LIMS2: variants seen among roughly 807,000 people sequenced by gnomAD.
The protein encoded by LIMS2 is LIM zinc finger domain containing 2, also known as LIM and senescent cell antigen-like-containing domain protein 2.
LIMS2 carries 30 observed loss-of-function variants against 45.3 expected under a neutral mutation model. That is an observed-to-expected ratio of 0.66 (90% CI 0.50 to 0.90). LIMS2 has a LOEUF of 0.90. Among genes scored for constraint, LIMS2 ranks in the 40% least tolerant of loss-of-function variants. The pLI, the probability that LIMS2 is intolerant of heterozygous loss-of-function variation, is 0.00. For synonymous variants in LIMS2, 173 were observed against 188.0 expected, an observed-to-expected ratio of 0.92 and a Z score of 0.65; for missense variants, 485 against 468.7, an observed-to-expected ratio of 1.03 and a Z score of -0.32.
upstream of LIMS2, among the ~76,000 whole-genome samples, chr2:127,676,407 CTTTTTT>C (rs10677718): frequency 4.3e-5 from 5 of 115,866 alleles, 1 homozygote; most frequent in African/African-American, 7.2e-5. Flanking sequence ...GCAGTTGTTA[CTTTTTT>C]TTTTTTTTTT....
chr2:127,649,815 C>T, intron 4 of LIMS2: 1 of 585,158 alleles, frequency 1.7e-6, no homozygotes, highest in Non-Finnish European at 3.0e-6. Context: ...CACGAGGCCT[C>T]CAGGCCTCTC....
intron 6 of LIMS2, chr2:127,641,231 C>G (rs1047877185): frequency 1.9e-5 from 9 of 475,192 alleles, no homozygotes; most frequent in African/African-American, 1.2e-4. Flanking sequence ...TCAGCAGACC[C>G]TACCCCTCCT....
upstream of LIMS2, among the ~76,000 whole-genome samples, chr2:127,678,208 C>T (rs145137616): frequency 3.2e-3 from 484 of 152,124 alleles, no homozygotes; most frequent in Middle Eastern, 0.01. The surrounding 1 kb of genome is among the most constrained non-coding windows in gnomAD (Gnocchi z 5.3). Context: ...TCCTTAGCTA[C>T]GGGGAGGCTG....
At chr2:127,668,706 A>AAAAAAC (rs1685148551) in intron 1 of LIMS2, among the ~76,000 whole-genome samples, 1 of 133,690 alleles carries the variant, frequency 7.5e-6, no homozygotes, top group African/African-American at 3.0e-5. Flanking sequence ...AAAAAAAAAA[A>AAAAAAC]AAAAACACCT....
chr2:127,668,699 A>AC (rs1312469992), intron 1 of LIMS2, among the ~76,000 whole-genome samples: 1 of 98,112 alleles, frequency 1.0e-5, no homozygotes, highest in South Asian at 4.1e-4. Flanking sequence ...AAAAAAAAAA[A>AC]AAAAAAAAAA....
At chr2:127,662,412 C>T (rs1292209569) in intron 1 of LIMS2, among the ~76,000 whole-genome samples, 2 of 152,080 alleles carry the variant, frequency 1.3e-5, no homozygotes, top group East Asian at 3.9e-4. Flanking sequence ...TCCCTCAGCA[C>T]TGCCTGGGCT....
Position 127,675,209 on chromosome 2 carries a change from C to G in LIMS2, c.-185G>C, listed in dbSNP as rs1316070548. 142 of 80,684 alleles carry G rather than the reference C, an allele frequency of 1.8e-3. No homozygotes were observed. The highest frequency in any genetic ancestry group is 7.4e-3 in the East Asian group (21 of 2,822). The allele number at this position is 80,684 out of a possible 1,614,324, so 5.0% of individuals were successfully genotyped here. Reference sequence around the variant, plus strand: ...GGGTGGCAGGGTGGGGCCCGCGGGGCGGGGTGGGATGGGGAGGTCAAGGCT... The same window carrying G: ...GGGTGGCAGGGTGGGGCCCGCGGGGGGGGGTGGGATGGGGAGGTCAAGGCT... On this transcript the variant is annotated 5_prime_UTR_variant, in exon 1 of 10. Transcript: ENST00000355119.
At position 127,643,506 on chromosome 2, in the gene LIMS2, G is replaced by A. The variant is rs113434433; in HGVS notation, c.360-434C>T. ...GGAGGCCCACTCACCCCCTTCCTTCGGGGTTTGCCAGATGAAGAAGGGCCC... is the reference window on the plus strand; with the variant it reads ...GGAGGCCCACTCACCCCCTTCCTTCAGGGTTTGCCAGATGAAGAAGGGCCC... On this transcript the variant is annotated intron_variant, in intron 4 of 9. Coordinates refer to ENST00000355119, the MANE Select transcript of LIMS2 (RefSeq NM_001161403.3). The A allele has an allele frequency of 1.5e-3, 690 of 456,990 alleles. 8 individuals are homozygous for A. The highest frequency in any genetic ancestry group is 0.011 in the African/African-American group (543 of 50,176). The allele number at this position is 456,990 out of a possible 1,614,324, so 28.3% of individuals were successfully genotyped here.
intron 1 of LIMS2, among the ~76,000 whole-genome samples, chr2:127,670,291 G>T (rs1041599446): frequency 3.3e-5 from 5 of 152,174 alleles, no homozygotes; most frequent in African/African-American, 1.2e-4. Context: ...TATTCACCCA[G>T]AAAAAGGAAT....
chr2:127,654,980 A>G lies in LIMS2; in HGVS notation c.172-84T>C, dbSNP rs145780307. 491 of 1,284,280 alleles carry G rather than the reference A, an allele frequency of 3.8e-4. 2 individuals carry two copies. In the East Asian group the frequency reaches 7.1e-3, roughly 19 times the overall value. 79.6% of individuals were successfully genotyped at this position (1,284,280 alleles called of 1,614,324 possible). On this transcript the variant is annotated intron_variant, in intron 2 of 9. Coordinates refer to ENST00000355119, the MANE Select transcript of LIMS2 (RefSeq NM_001161403.3). The stretch of plus-strand genomic sequence containing the variant: ...CAGGCCCTTGTTGGGTCAGGACCTG[A>G]CAGCAGGGGATGAGGCACTGAGGCA...
rs1168939760 is a variant in LIMS2, at chr2:127,647,284, AAC to A, written c.360-4214_360-4213del. Among the ~76,000 whole-genome samples the A allele has an allele frequency of 7.9e-5, 12 of 152,100 alleles. No individual in the cohort carries two copies. In the East Asian group the frequency reaches 2.3e-3, roughly 29 times the overall value. On this transcript the variant is annotated intron_variant, in intron 4 of 9. Transcript: ENST00000355119. The surrounding 1 kb of genome is among the most constrained non-coding windows in gnomAD (Gnocchi z 4.3). ...GAGCCTGGGAGACAACTCCATGGCA[AAC>A]TCTGAGACTGAGTCACACTCCCCAC...
rs917954511 is a variant in LIMS2 at position 127,642,485 on chromosome 2, G to C, written c.510-286C>G. ...GCCCCCCTCCTCCTCCAAACCAGAG[G>C]GGGTGTCTGGATAGGCACGGAGAGG... On this transcript the variant is annotated intron_variant, in intron 5 of 9. Transcript: ENST00000355119. The surrounding 1 kb of genome is among the most constrained non-coding windows in gnomAD (Gnocchi z 5.3). The C allele has an allele frequency of 1.2e-5, 5 of 400,540 alleles. No homozygotes were observed. Among genetic ancestry groups the C allele is most frequent in the African/African-American group, 2.0e-5 (1 of 49,164 alleles). 24.8% of individuals were successfully genotyped at this position (400,540 alleles called of 1,614,324 possible).
At chr2:127,644,509 T>G (rs1170947070) in intron 4 of LIMS2, among the ~76,000 whole-genome samples, 1 of 152,162 alleles carries the variant, frequency 6.6e-6, no homozygotes, top group Non-Finnish European at 1.5e-5. Flanking sequence ...CTGCCCCACC[T>G]GGCGCCTATG....
rs933137649 is a variant in LIMS2, at chr2:127,649,794, C to T, written c.359+4630G>A. On this transcript the variant is annotated intron_variant, in intron 4 of 9. Transcript: ENST00000355119. ...CAGGGCTCTGCACTTGGCCTTCAAACGTGGGCAAGCCACGAGGCCTCCAGG... is the reference window on the plus strand; with the variant it reads ...CAGGGCTCTGCACTTGGCCTTCAAATGTGGGCAAGCCACGAGGCCTCCAGG... 37 of 562,266 alleles carry T rather than the reference C, an allele frequency of 6.6e-5. No individual in the cohort carries two copies. In the Middle Eastern group the frequency reaches 2.8e-3, roughly 43 times the overall value. 34.8% of individuals were successfully genotyped at this position (562,266 alleles called of 1,614,324 possible). A position where few individuals can be genotyped will look rare whatever the true frequency, so the allele number is the denominator to read the frequency against.
In LIMS2 at chr2:127,640,316, G is replaced by A; in HGVS notation, c.756C>T (p.Leu252=). The change falls in exon 8 of 10, where the codon CTC becomes CTT. Residue 252 remains leucine (L), a splice_region_variant and synonymous_variant. Coordinates refer to ENST00000355119, the MANE Select transcript of LIMS2 (RefSeq NM_001161403.3). The stretch of plus-strand genomic sequence containing the variant: ...TGCAGTTGTAGCAGACGTCCCCGAA[G>A]AGCTGTGGGCCGAGCAGGCTGTCAG... ...LAYCETHYNQ[L]FGDVCYNCSH... The A allele has an allele frequency of 6.2e-7, 1 of 1,612,842 alleles. No individual in the cohort carries two copies. The highest frequency in any genetic ancestry group is 8.5e-7 in the Non-Finnish European group (1 of 1,179,930).
intron 4 of LIMS2, among the ~76,000 whole-genome samples, chr2:127,646,830 T>G (rs1156845583): frequency 6.6e-6 from 1 of 152,216 alleles, no homozygotes; most frequent in East Asian, 1.9e-4. Context: ...GACTGAAGTT[T>G]GTGTTTCTAA....
At chr2:127,669,739 C>A (rs1558902167) in intron 1 of LIMS2, among the ~76,000 whole-genome samples, 1 of 151,902 alleles carries the variant, frequency 6.6e-6, no homozygotes, top group African/African-American at 2.4e-5. Flanking sequence ...ATTTGCAAAT[C>A]ATATGTCTGA....
chr2:127,663,257 G>A (rs1340867564), intron 1 of LIMS2, among the ~76,000 whole-genome samples: 1 of 152,122 alleles, frequency 6.6e-6, no homozygotes, highest in East Asian at 1.9e-4. Context: ...GCCTGCTCCA[G>A]CTCTGCCACA....
At chr2:127,645,091 GC>G (rs1224473781) in intron 4 of LIMS2, among the ~76,000 whole-genome samples, 1 of 152,220 alleles carries the variant, frequency 6.6e-6, no homozygotes, top group Non-Finnish European at 1.5e-5. Context: ...CACACACGGA[GC>G]CTAAGTTCTG....
Sources: allele counts gnomAD v4.1 joint callset (sites outside exome capture counted in the v4.1 genomes callset), GRCh38; gene constraint gnomAD v4.1.1; non-coding constraint Gnocchi (gnomAD v3.1); transcripts MANE v1.5; gene names NCBI Gene and HGNC (gene_info 2026-07-23, HGNC 2026-07-21).